MCM6: variants seen among roughly 807,000 people sequenced by gnomAD.
The protein encoded by MCM6 is DNA replication licensing factor MCM6.
MCM6 carries 46 observed loss-of-function variants against 94.3 expected under a neutral mutation model. That is an observed-to-expected ratio of 0.49 (90% CI 0.39 to 0.62). MCM6 has a LOEUF of 0.62. Among genes scored for constraint, MCM6 ranks in the 20% least tolerant of loss-of-function variants. The pLI, the probability that MCM6 is intolerant of heterozygous loss-of-function variation, is 0.00. For synonymous variants in MCM6, 335 were observed against 351.9 expected (o/e 0.95, Z 0.54); for missense variants, 865 against 1,017.9 (o/e 0.85, Z 2.04).
chr2:135,869,665 G>A (rs1680167610), intron 3 of MCM6, among the ~76,000 whole-genome samples: 1 of 152,072 alleles, frequency 6.6e-6, no homozygotes. Context: ...TAAAATAACT[G>A]CCAAAGGGGT....
At chr2:135,863,660 G>A (rs1680033901) in intron 7 of MCM6, among the ~76,000 whole-genome samples, 1 of 152,134 alleles carries the variant, frequency 6.6e-6, no homozygotes. Context: ...AGCCCAGGAG[G>A]TTGAGGCTGT....
At chr2:135,854,350 T>C (rs1679831754) in intron 11 of MCM6, among the ~76,000 whole-genome samples, 1 of 150,898 alleles carries the variant, frequency 6.6e-6, no homozygotes, top group South Asian at 2.1e-4. Context: ...GCCAATAAAG[T>C]GAAACCCCGT....
In MCM6 at chr2:135,841,520, C is replaced by T. The variant is rs544190783; in HGVS notation, c.2350-569G>A. On this transcript the variant is annotated intron_variant, in intron 16 of 16. Transcript: ENST00000264156. ...ATTACAGGTTAGTCAAAACTGTCCACAAATGAGAAGAGCTCCTAGCCAAGC... is the reference window on the plus strand; with the variant it reads ...ATTACAGGTTAGTCAAAACTGTCCATAAATGAGAAGAGCTCCTAGCCAAGC... Among the ~76,000 whole-genome samples, 6 of 152,230 alleles carry T rather than the reference C, an allele frequency of 3.9e-5. No homozygotes were observed. The East Asian group carries it at 1.2e-3, about 29-fold the overall frequency.
intron 8 of MCM6, among the ~76,000 whole-genome samples, chr2:135,862,134 T>C (rs1242911881): frequency 2.0e-5 from 3 of 151,742 alleles, no homozygotes; most frequent in Non-Finnish European, 4.4e-5. Context: ...AAAAAGACAA[T>C]TGTGAAAATG....
intron 11 of MCM6, among the ~76,000 whole-genome samples, chr2:135,855,622 T>C (rs1215206988): frequency 1.3e-5 from 2 of 152,164 alleles, no homozygotes; most frequent in East Asian, 1.9e-4. Context: ...GCTATGACTG[T>C]GGCACTGCCT....
intron 10 of MCM6, 101 bp downstream of exon 10, chr2:135,857,796 C>T (rs569723590): frequency 3.4e-6 from 3 of 889,882 alleles, no homozygotes; most frequent in Non-Finnish European, 5.5e-6. Context: ...AACAGCATTA[C>T]ACACTGAAGT....
At chr2:135,845,001 C>G (rs951106319) in intron 15 of MCM6, among the ~76,000 whole-genome samples, 1 of 152,050 alleles carries the variant, frequency 6.6e-6, no homozygotes, top group Non-Finnish European at 1.5e-5. Flanking sequence ...TATGCTTCAC[C>G]ACCTCTGAGA....
chr2:135,865,392 T>G (rs4988177), intron 6 of MCM6, among the ~76,000 whole-genome samples: 2,404 of 152,274 alleles, frequency 0.016, 71 homozygotes, highest in African/African-American at 0.055. Flanking sequence ...AAAAGCTACC[T>G]GAATGCTCAA....
At chr2:135,868,477 T>G in intron 4 of MCM6, 134 bp downstream of exon 4, 1 of 874,518 alleles carries the variant, frequency 1.1e-6, no homozygotes, top group African/African-American at 1.7e-5. Context: ...TGGGCTTAAC[T>G]TTGTAGTCAT....
chr2:135,859,202 G>GT lies in MCM6; in HGVS notation c.1362+98dup, dbSNP rs1032891113. ...GCCACCGCGCCCAGCTGAGAATGCT[G>GT]TTTTTAAGGACATCTTTTTAATGGT... On this transcript the variant is annotated intron_variant, in intron 9 of 16. Coordinates refer to ENST00000264156, the MANE Select transcript of MCM6 (RefSeq NM_005915.6). 3.8e-6 allele frequency: 4 copies of GT among 1,048,008 alleles called. No homozygotes were observed. The African/African-American group carries it at 6.4e-5, about 17-fold the overall frequency. 64.9% of individuals were successfully genotyped at this position (1,048,008 alleles called of 1,614,324 possible).
chr2:135,856,676 G>A, intron 11 of MCM6, 52 bp downstream of exon 11: 1 of 1,576,190 alleles, frequency 6.3e-7, no homozygotes, highest in Non-Finnish European at 8.7e-7. Flanking sequence ...TTCCAGCCTT[G>A]TCTCACTCGA....
rs1255593627 is a variant in MCM6 at position 135,870,356 on chromosome 2, T to C, written c.260A>G (p.Tyr87Cys). 2 of 1,612,976 alleles carry C rather than the reference T, an allele frequency of 1.2e-6. No individual in the cohort carries two copies. Among genetic ancestry groups the C allele is most frequent in the African/African-American group, 1.3e-5 (1 of 74,852 alleles). The change falls in exon 3 of 17, where the codon TAC (tyrosine) becomes TGC (cysteine). Residue 87 changes from tyrosine (Y) to cysteine (C), a missense_variant. Tyr to Cys is a radical substitution (Grantham distance 194). This residue lies in a region of MCM6 where 404 missense variants were observed against 451.9 expected (regional missense o/e 0.89). Coordinates refer to ENST00000264156, the MANE Select transcript of MCM6 (RefSeq NM_005915.6). ...TTIQEEFYRVYPYLCRALKTF... is the reference protein window; with the variant it reads ...TTIQEEFYRVCPYLCRALKTF... ...TTTCAAGGCCCGACACAGGTAAGGG[T>C]AAACTCTGAAAAACAAAAAAGTCAG...
chr2:135,851,647 T>A, intron 12 of MCM6, 84 bp from the exon 13 acceptor site: 1 of 1,239,752 alleles, frequency 8.1e-7, no homozygotes, highest in East Asian at 2.6e-5. Flanking sequence ...GCCTTCCAGG[T>A]GGAAACATTT....
chr2:135,870,345 A>C lies in MCM6; in HGVS notation c.271T>G (p.Cys91Gly). 6.2e-7 allele frequency: 1 copy of C among 1,613,954 alleles called. No individual in the cohort carries two copies. Among genetic ancestry groups the C allele is most frequent in the Non-Finnish European group, 8.5e-7 (1 of 1,179,842 alleles). Reference sequence around the variant, plus strand: ...TTGACGAATGTTTTCAAGGCCCGACACAGGTAAGGGTAAACTCTGAAAAAC... The same window carrying C: ...TTGACGAATGTTTTCAAGGCCCGACCCAGGTAAGGGTAAACTCTGAAAAAC... Reference protein sequence around the residue: ...EEFYRVYPYLCRALKTFVKDR... With the variant: ...EEFYRVYPYLGRALKTFVKDR... Residue 91 changes from cysteine (C) to glycine (G), a missense_variant, in exon 3 of 17, where the codon TGT becomes GGT. Physicochemically the swap from Cys to Gly is radical, Grantham distance 159. Transcript: ENST00000264156.
chr2:135,851,391 G>A lies in MCM6; in HGVS notation c.1917+11C>T, dbSNP rs375455196. ...ATCTCTGCTCTCATCATATCAAAGT[G>A]ACTCTGATACCTCATCACAGCAGTG... On this transcript the variant is annotated intron_variant, in intron 13 of 16. Coordinates refer to ENST00000264156, the MANE Select transcript of MCM6 (RefSeq NM_005915.6). 1 of 1,602,538 alleles carries A rather than the reference G, an allele frequency of 6.2e-7. No individual in the cohort carries two copies.
At chr2:135,857,738 T>A (rs554765159) in intron 10 of MCM6, among the ~76,000 whole-genome samples, 159 bp downstream of exon 10, 2 of 152,308 alleles carry the variant, frequency 1.3e-5, no homozygotes, top group South Asian at 4.1e-4. Context: ...TAAACAACAT[T>A]TATAGTTTCA....
Position 135,852,930 on chromosome 2 carries a change from A to G in MCM6, c.1627-15T>C. The G allele has an allele frequency of 1.3e-6, 2 of 1,581,640 alleles. No homozygotes were observed. The highest frequency in any genetic ancestry group is 1.7e-6 in the Non-Finnish European group (2 of 1,167,910). ...TAATCTGTAACCTAATTCAAAACAAAAAAATCACTTTGATAGTCACAGCAA... is the reference window on the plus strand; with the variant it reads ...TAATCTGTAACCTAATTCAAAACAAGAAAATCACTTTGATAGTCACAGCAA... On this transcript the variant is annotated splice_polypyrimidine_tract_variant and intron_variant, in intron 11 of 16. Coordinates refer to ENST00000264156, the MANE Select transcript of MCM6 (RefSeq NM_005915.6).
At chr2:135,868,546 C>A in intron 4 of MCM6, 65 bp downstream of exon 4, 2 of 1,522,434 alleles carry the variant, frequency 1.3e-6, no homozygotes, top group Non-Finnish European at 1.8e-6. Context: ...TAAGCTATTG[C>A]AAGGGCCTAG....
At chr2:135,856,636 ATACAT>A in intron 11 of MCM6, 87 bp downstream of exon 11, 6 of 1,290,660 alleles carry the variant, frequency 4.6e-6, no homozygotes, top group Non-Finnish European at 6.4e-6. Flanking sequence ...GCTGGTGCAC[ATACAT>A]GCACCAGCTG....
Sources: allele counts gnomAD v4.1 joint callset (sites outside exome capture counted in the v4.1 genomes callset), GRCh38; gene constraint gnomAD v4.1.1; regional missense constraint gnomAD v4.1.1; transcripts MANE v1.5; gene names NCBI Gene and HGNC (gene_info 2026-07-23, HGNC 2026-07-21).